The following RPS6KA2 variants were observed in gnomAD, a reference collection of about 807,000 sequenced individuals.
RPS6KA2 encodes the protein ribosomal protein S6 kinase alpha-2.
A neutral mutation model predicts 91.8 loss-of-function variants in RPS6KA2; 42 were observed. The ratio of observed to expected loss-of-function variants is 0.46; its 90% CI spans 0.36 to 0.59. RPS6KA2 has a LOEUF of 0.59. RPS6KA2 is among the 20% of genes least tolerant of loss of function. The pLI is 0.00. For synonymous variants in RPS6KA2, 414 were observed against 393.6 expected (o/e 1.05, Z -0.61); for missense variants, 798 against 978.5 (o/e 0.82, Z 2.46).
chr6:166,450,429 A>AC (rs1779859533), intron 13 of RPS6KA2, among the ~76,000 whole-genome samples: 1 of 142,274 alleles, frequency 7.0e-6, no homozygotes, highest in African/African-American at 2.6e-5. Flanking sequence ...AGGGACCACC[A>AC]TGGGGACCAC....
rs1195160795 is a variant in RPS6KA2, at chr6:166,626,393, C to T, written c.99+528G>A. Among the ~76,000 whole-genome samples the T allele has an allele frequency of 2.0e-5, 3 of 152,268 alleles. No homozygotes were observed. The highest frequency in any genetic ancestry group is 4.4e-5 in the Non-Finnish European group (3 of 68,050). ...GTTTTAGACGCCTAAGCAGATTGTG[C>T]TGCTGCCTGTTCTTCCCCGTTCTGT... is the stretch of plus-strand genomic sequence containing the variant. On this transcript the variant is annotated intron_variant, in intron 1 of 20. Coordinates refer to ENST00000265678, the MANE Select transcript of RPS6KA2 (RefSeq NM_021135.6). The surrounding 1 kb of genome is among the most constrained non-coding windows in gnomAD (Gnocchi z 4.1).
At chr6:166,570,279 G>A (rs1290440061) in intron 1 of RPS6KA2, among the ~76,000 whole-genome samples, 1 of 152,166 alleles carries the variant, frequency 6.6e-6, no homozygotes, top group Non-Finnish European at 1.5e-5. Flanking sequence ...GAGAAACATG[G>A]GCAGTCACCG....
chr6:166,627,348 T>C (rs1356875968), upstream of RPS6KA2: 3 of 446,530 alleles, frequency 6.7e-6, no homozygotes, highest in Non-Finnish European at 8.9e-6. Context: ...CACCTCCTCC[T>C]CCTCCGCCCC....
At chr6:166,677,345 GA>G (rs1788647682) in intron 2 of RPS6KA2, among the ~76,000 whole-genome samples, 1 of 151,354 alleles carries the variant, frequency 6.6e-6, no homozygotes, top group Admixed American at 6.6e-5. Context: ...TTAAAAATAA[GA>G]AACGTGTTCA....
intron 6 of RPS6KA2, among the ~76,000 whole-genome samples, chr6:166,503,153 T>C (rs1187352524): frequency 6.6e-6 from 1 of 152,222 alleles, no homozygotes; most frequent in Non-Finnish European, 1.5e-5. Flanking sequence ...GGGTGTCCCA[T>C]TGGGGCTCAA....
intron 10 of RPS6KA2, among the ~76,000 whole-genome samples, chr6:166,483,101 G>A (rs965764948): frequency 1.4e-4 from 22 of 152,184 alleles, no homozygotes; most frequent in Non-Finnish European, 1.3e-4. Flanking sequence ...CCTTTGGGCC[G>A]ATGGGGCCGC....
At chr6:166,653,146 C>T (rs1283491309) in intron 2 of RPS6KA2, among the ~76,000 whole-genome samples, 1 of 152,248 alleles carries the variant, frequency 6.6e-6, no homozygotes, top group Non-Finnish European at 1.5e-5. Flanking sequence ...CTGCAACCTC[C>T]ACCTCCTGGG....
chr6:166,834,109 C>T (rs1780256650), intron 2 of RPS6KA2, among the ~76,000 whole-genome samples: 1 of 152,104 alleles, frequency 6.6e-6, no homozygotes, highest in Non-Finnish European at 1.5e-5. Flanking sequence ...AAGATGTTGC[C>T]CAACTATTTT....
Position 166,612,797 on chromosome 6 carries a change from C to T in RPS6KA2, c.99+14124G>A, listed in dbSNP as rs1786233877. ...GGCCACTGCCAAATTTACTCCACAT[C>T]AGCCTCTCTCTCTCCATGCCCTTGA... On this transcript the variant is annotated intron_variant, in intron 1 of 20. Transcript: ENST00000265678. The surrounding 1 kb of genome is among the most constrained non-coding windows in gnomAD (Gnocchi z 4.3). Among the ~76,000 whole-genome samples the T allele has an allele frequency of 6.6e-6, 1 of 152,186 alleles. No homozygotes were observed.
intron 1 of RPS6KA2, among the ~76,000 whole-genome samples, chr6:166,547,446 C>A (rs757392973): frequency 6.6e-6 from 1 of 152,240 alleles, no homozygotes; most frequent in Non-Finnish European, 1.5e-5. Flanking sequence ...GCTGAGTGCC[C>A]GCTCTCCGGC....
At chr6:166,830,887 C>T (rs1196218926) in intron 2 of RPS6KA2, among the ~76,000 whole-genome samples, 4 of 152,168 alleles carry the variant, frequency 2.6e-5, no homozygotes, top group Admixed American at 2.6e-4. Context: ...TTATTGTTTC[C>T]TCTTTCCCAG....
At chr6:166,764,870 G>A (rs73788133) in intron 2 of RPS6KA2, among the ~76,000 whole-genome samples, 2,208 of 152,316 alleles carry the variant, frequency 0.014, 45 homozygotes, top group African/African-American at 0.05. Flanking sequence ...ACGTGTGTGT[G>A]TTCACACACA....
chr6:166,659,817 G>A (rs775354844), intron 2 of RPS6KA2, among the ~76,000 whole-genome samples: 1 of 152,230 alleles, frequency 6.6e-6, no homozygotes, highest in Non-Finnish European at 1.5e-5. Context: ...AGCGAACCTC[G>A]GGAGCCCACT....
rs375870214 is a variant in RPS6KA2, at chr6:166,781,723, G to A, written c.123+76477C>T. 7.7e-4 allele frequency among the ~76,000 whole-genome samples: 117 copies of A among 152,232 alleles called. 4 individuals are homozygous for A. The South Asian group carries it at 0.02, about 26-fold the overall frequency. On this transcript the variant is annotated intron_variant, in intron 2 of 21. Coordinates refer to the RPS6KA2 transcript ENST00000503859. The stretch of plus-strand genomic sequence containing the variant: ...AGGACAGATGATGGAGCTAGGAGAC[G>A]GCATCTCTGAGATGCAGCAGAGACT...
intron 1 of RPS6KA2, among the ~76,000 whole-genome samples, chr6:166,587,666 T>TTTTATATATA (rs10651328): frequency 8.7e-5 from 13 of 148,948 alleles, no homozygotes; most frequent in African/African-American, 3.2e-4. Flanking sequence ...AAAATAAATA[T>TTTTATATATA]TATATATATA....
At chr6:166,523,448 A>G (rs2157485) in intron 3 of RPS6KA2, among the ~76,000 whole-genome samples, 94,898 of 151,982 alleles carry the variant, frequency 0.62, 30,381 homozygotes, top group African/African-American at 0.77. Flanking sequence ...TGGGGACCCC[A>G]GGAGTTATCT....
intron 2 of RPS6KA2, among the ~76,000 whole-genome samples, chr6:166,659,691 A>ACTGGT (rs1487606221): frequency 6.6e-6 from 1 of 152,168 alleles, no homozygotes; most frequent in Non-Finnish European, 1.5e-5. Flanking sequence ...TAGTGCTGCC[A>ACTGGT]CTGGTCAGTG....
rs145412925 is a variant in RPS6KA2, at chr6:166,639,490, C to T, written c.124-100706G>A. Among the ~76,000 whole-genome samples the T allele has an allele frequency of 6.0e-4, 91 of 152,300 alleles. No homozygotes were observed. The highest frequency in any genetic ancestry group is 2.1e-3 in the African/African-American group (87 of 41,542). On this transcript the variant is annotated intron_variant, in intron 2 of 21. Coordinates refer to the RPS6KA2 transcript ENST00000503859. This position sits in a 1 kb window ranked among gnomAD's most constrained non-coding sequence, Gnocchi z 4.2. ...GCCACCAGCCTGATCCTTCTAGAAGCGAATCTGGTTCAGTTACCCCAGGGC... is the reference window on the plus strand; with the variant it reads ...GCCACCAGCCTGATCCTTCTAGAAGTGAATCTGGTTCAGTTACCCCAGGGC...
intron 2 of RPS6KA2, among the ~76,000 whole-genome samples, chr6:166,704,684 C>T (rs770183039): frequency 1.4e-4 from 21 of 152,164 alleles, no homozygotes; most frequent in African/African-American, 3.9e-4. Flanking sequence ...TGGATCTTCA[C>T]GCAAAAGAAA....
Sources: allele counts gnomAD v4.1 joint callset (sites outside exome capture counted in the v4.1 genomes callset), GRCh38; gene constraint gnomAD v4.1.1; non-coding constraint Gnocchi (gnomAD v3.1); transcripts MANE v1.5; gene names NCBI Gene and HGNC (gene_info 2026-07-23, HGNC 2026-07-21).